ZNF200: variants seen among roughly 807,000 people sequenced by gnomAD.
ZNF200 encodes the protein zinc finger protein 200.
A neutral mutation model predicts 33.6 loss-of-function variants in ZNF200; 35 were observed. That is an observed-to-expected ratio of 1.04 (90% CI 0.80 to 1.38). The LOEUF (loss-of-function observed/expected upper bound fraction) is 1.38. Among genes scored for constraint, ZNF200 ranks in the 40% most tolerant of loss-of-function variants. ZNF200 has a pLI of 0.00. For synonymous variants in ZNF200, 209 were observed against 167.7 expected, an observed-to-expected ratio of 1.25 and a Z score of -1.90; for missense variants, 592 against 470.6, an observed-to-expected ratio of 1.26 and a Z score of -2.39.
intron 4 of ZNF200, 68 bp from the exon 5 acceptor site, chr16:3,224,681 AG>A: frequency 6.6e-7 from 1 of 1,507,926 alleles, no homozygotes; most frequent in South Asian, 1.3e-5. Flanking sequence ...AAAACAAGTC[AG>A]GTTTCTTATG....
intron 1 of ZNF200, among the ~76,000 whole-genome samples, chr16:3,234,371 G>A (rs1309675816): frequency 6.6e-6 from 1 of 152,062 alleles, no homozygotes; most frequent in Non-Finnish European, 1.5e-5. Flanking sequence ...CTGCACTGCA[G>A]TCTGAGCGAC....
intron 4 of ZNF200, among the ~76,000 whole-genome samples, 156 bp downstream of exon 4, chr16:3,232,265 C>T (rs1168358463): frequency 1.3e-5 from 2 of 152,118 alleles, no homozygotes; most frequent in African/African-American, 4.8e-5. Context: ...AGTTCTGTGG[C>T]AAGGCTCTGC....
rs1183032654 is a variant in ZNF200, at chr16:3,223,120, G to C, written c.*772C>G. 2 of 152,240 alleles carry C rather than the reference G, an allele frequency of 1.3e-5. No homozygotes were observed. The highest frequency in any genetic ancestry group is 4.8e-5 in the African/African-American group (2 of 41,446). 9.4% of individuals were successfully genotyped at this position (152,240 alleles called of 1,614,324 possible). A position where few individuals can be genotyped will look rare whatever the true frequency, so the allele number is the denominator to read the frequency against. On this transcript the variant is annotated 3_prime_UTR_variant, in exon 5 of 5. Coordinates refer to ENST00000414144, the MANE Select transcript of ZNF200 (RefSeq NM_198088.3). ...AAGAGCTTTTCTAGTGGTGGGGCTGGATGGCCCTGCCTGAGTAATCCAAAC... is the reference window on the plus strand; with the variant it reads ...AAGAGCTTTTCTAGTGGTGGGGCTGCATGGCCCTGCCTGAGTAATCCAAAC...
At chr16:3,231,153 G>A (rs1347273369) in intron 4 of ZNF200, among the ~76,000 whole-genome samples, 1 of 152,124 alleles carries the variant, frequency 6.6e-6, no homozygotes, top group East Asian at 1.9e-4. Context: ...TTGGGTCTTA[G>A]GGGCCCTGAA....
chr16:3,234,452 G>A (rs1958742159), intron 1 of ZNF200, among the ~76,000 whole-genome samples: 1 of 152,028 alleles, frequency 6.6e-6, no homozygotes, highest in Non-Finnish European at 1.5e-5. Context: ...AATCAGGGAA[G>A]AGAAAGAAAA....
At chr16:3,231,080 G>C (rs1053524861) in intron 4 of ZNF200, among the ~76,000 whole-genome samples, 1 of 152,170 alleles carries the variant, frequency 6.6e-6, no homozygotes, top group Non-Finnish European at 1.5e-5. Context: ...GCTGGTAAAT[G>C]ACTAAGCTTA....
In ZNF200 at chr16:3,233,792, C is replaced by A. The variant is rs1027972058; in HGVS notation, c.-37G>T. On this transcript the variant is annotated 5_prime_UTR_variant, in exon 2 of 5. It adds an upstream start codon to the 5' untranslated region. Coordinates refer to ENST00000414144, the MANE Select transcript of ZNF200 (RefSeq NM_198088.3). Reference sequence around the variant, plus strand: ...ACACACCACACTCGTTTCGCGGGGCCTCCAGAGCCACCTCTTACTAGAGGA... The same window carrying A: ...ACACACCACACTCGTTTCGCGGGGCATCCAGAGCCACCTCTTACTAGAGGA... The A allele has an allele frequency of 6.4e-7, 1 of 1,568,900 alleles. No individual in the cohort carries two copies. Among genetic ancestry groups the A allele is most frequent in the East Asian group, 2.3e-5 (1 of 44,034 alleles).
In ZNF200 at chr16:3,224,162, T is replaced by A. The variant is rs1189349313; in HGVS notation, c.918A>T (p.Lys306Asn). The change falls in exon 5 of 5, where the codon AAA (lysine) becomes AAT (asparagine). Residue 306 changes from lysine (K) to asparagine (N), a missense_variant. Physicochemically the swap from Lys to Asn is moderately conservative, Grantham distance 94 (BLOSUM62 0). Transcript: ENST00000414144. ...NKHERIHTGE[K>N]PYSCSQCGKN... ...TTCCACACTGAGAACAGGAATAAGG[T>A]TTCTCTCCTGTATGAATTCGCTCAT... 3.1e-6 allele frequency: 5 copies of A among 1,614,028 alleles called. No homozygotes were observed. Among genetic ancestry groups the A allele is most frequent in the Non-Finnish European group, 4.2e-6 (5 of 1,180,032 alleles).
rs551204452 is a variant in ZNF200, at chr16:3,232,631, T to C, written c.340-84A>G. ...GGTAAGAAAAGCTGACACACAAAGA[T>C]CAAGGGAAGGGATAGCAAGAGGGAC... is the stretch of plus-strand genomic sequence containing the variant. On this transcript the variant is annotated intron_variant, in intron 3 of 4. Transcript: ENST00000414144. 114 of 1,572,040 alleles carry C rather than the reference T, an allele frequency of 7.3e-5. No individual in the cohort carries two copies. In the African/African-American group the frequency reaches 1.4e-3, roughly 19 times the overall value.
intron 4 of ZNF200, chr16:3,227,709 C>T (rs912156387): frequency 2.6e-5 from 4 of 152,228 alleles, no homozygotes; most frequent in African/African-American, 7.2e-5. Flanking sequence ...AAGATGATGC[C>T]TTGCTTCCTC....
At position 3,223,451 on chromosome 16, in the gene ZNF200, A is replaced by G. The variant is rs2141609898; in HGVS notation, c.*441T>C. ...AGAAGCTGTTGGCTAACAAGCCAGT[A>G]ATTTGGTTCTTTCACCAGAACACAG... On this transcript the variant is annotated 3_prime_UTR_variant, in exon 5 of 5. Transcript: ENST00000414144. 1 of 156,106 alleles carries G rather than the reference A, an allele frequency of 6.4e-6. No individual in the cohort carries two copies. Among genetic ancestry groups the G allele is most frequent in the Middle Eastern group, 3.3e-3 (1 of 302 alleles). 9.7% of individuals were successfully genotyped at this position (156,106 alleles called of 1,614,324 possible).
intron 4 of ZNF200, among the ~76,000 whole-genome samples, chr16:3,228,671 AT>A (rs1034546192): frequency 6.1e-5 from 9 of 147,412 alleles, no homozygotes; most frequent in East Asian, 5.9e-4. Context: ...ACTTTTGTAT[AT>A]TTTTTTTTTA....
Position 3,223,918 on chromosome 16 carries a change from C to T in ZNF200, c.1162G>A (p.Ala388Thr). The change falls in exon 5 of 5, where the codon GCC (alanine) becomes ACC (threonine). Residue 388 changes from alanine to threonine, a missense_variant. Ala to Thr is a moderately conservative substitution (Grantham distance 58). Transcript: ENST00000414144. ...TACTTCTGCTTTCGGGTCTTACAGG[C>T]TGAGTGGGTTTTCTCATGCCGGGTA... ...NCTRHEKTHS[A>T]CKTRKQK is the part of the protein sequence containing the mutation. The T allele has an allele frequency of 1.2e-6, 2 of 1,613,524 alleles. No individual in the cohort carries two copies. The highest frequency in any genetic ancestry group is 1.7e-6 in the Non-Finnish European group (2 of 1,179,720).
chr16:3,224,704 T>C lies in ZNF200; in HGVS notation c.467-91A>G, dbSNP rs140076513. 8.1e-3 allele frequency: 11,937 copies of C among 1,476,516 alleles called. 60 individuals are homozygous for C. Among genetic ancestry groups the C allele is most frequent in the Non-Finnish European group, 9.2e-3 (10,290 of 1,114,150 alleles). The allele number at this position is 1,476,516 out of a possible 1,614,324, so 91.5% of individuals were successfully genotyped here. On this transcript the variant is annotated intron_variant, in intron 4 of 4. Coordinates refer to ENST00000414144, the MANE Select transcript of ZNF200 (RefSeq NM_198088.3). The stretch of plus-strand genomic sequence containing the variant: ...TCAGGTTTCTTATGCCACAGCCACC[T>C]TGAACGTCAATCTGGGGAGTGGCGG...
At chr16:3,234,597 C>G (rs1958750482) in intron 1 of ZNF200, 1 of 152,360 alleles carries the variant, frequency 6.6e-6, no homozygotes, top group Non-Finnish European at 1.5e-5. Context: ...GGACATCTGC[C>G]TAAAAGCAGG....
chr16:3,225,624 A>G (rs954254544), intron 4 of ZNF200: 1 of 152,284 alleles, frequency 6.6e-6, no homozygotes, highest in Admixed American at 6.5e-5. Flanking sequence ...CTTAGTGTGT[A>G]CATTTTGTGA....
At chr16:3,232,790 G>C in intron 3 of ZNF200, 43 bp downstream of exon 3, 1 of 1,597,210 alleles carries the variant, frequency 6.3e-7, no homozygotes, top group Non-Finnish European at 8.6e-7. Flanking sequence ...GCCAAGCACG[G>C]AAGGTGATGG....
chr16:3,224,208 T>A lies in ZNF200; in HGVS notation c.872A>T (p.His291Leu), dbSNP rs779817803. The change falls in exon 5 of 5, where the codon CAT (histidine) becomes CTT (leucine). Residue 291 changes from histidine to leucine, a missense_variant. Coordinates refer to ENST00000414144, the MANE Select transcript of ZNF200 (RefSeq NM_198088.3). The part of the protein sequence containing the change: ...DCNHCGKSFN[H>L]KTNLNKHERI... ...CTCATGTTTATTGAGGTTTGTTTTA[T>A]GATTGAAGCTTTTCCCACAGTGATT... is the stretch of plus-strand genomic sequence containing the variant. 4 of 1,614,214 alleles carry A rather than the reference T, an allele frequency of 2.5e-6. No individual in the cohort carries two copies. Among genetic ancestry groups the A allele is most frequent in the Non-Finnish European group, 3.4e-6 (4 of 1,180,042 alleles).
At chr16:3,226,777 T>C (rs750724293) in intron 4 of ZNF200, 14 of 152,224 alleles carry the variant, frequency 9.2e-5, no homozygotes, top group African/African-American at 1.9e-4. Flanking sequence ...ATTTCCAGAA[T>C]TGAACTCCTG....
Sources: gnomAD v4.1 joint callset for allele counts (sites outside exome capture counted in the v4.1 genomes callset) on GRCh38, gnomAD v4.1.1 for gene constraint, MANE v1.5 for transcripts, NCBI Gene and HGNC (gene_info 2026-07-23, HGNC 2026-07-21) for gene names.